PARD3B: variants seen among roughly 807,000 people sequenced by gnomAD.
PARD3B encodes the protein par-3 family cell polarity regulator beta, also known as partitioning defective 3 homolog B.
Under a neutral mutation model 130.2 loss-of-function variants are expected in PARD3B, and 103 were observed. That is an observed-to-expected ratio of 0.79 (90% confidence interval 0.67 to 0.93). The LOEUF is 0.93. PARD3B is among the 40% of genes least tolerant of loss of function. The pLI is 0.00. For synonymous variants in PARD3B, 583 were observed against 553.2 expected (o/e 1.05, Z -0.76); for missense variants, 1,609 against 1,499.2 (o/e 1.07, Z -1.21).
chr2:205,133,826 C>T (rs2032235569), intron 10 of PARD3B, among the ~76,000 whole-genome samples: 1 of 152,152 alleles, frequency 6.6e-6, no homozygotes, highest in Non-Finnish European at 1.5e-5. Flanking sequence ...CTCGATTGTG[C>T]TTTAAAATTT....
intron 2 of PARD3B, among the ~76,000 whole-genome samples, chr2:204,929,606 TA>T (rs1687878339): frequency 6.6e-6 from 1 of 152,070 alleles, no homozygotes. Flanking sequence ...GAAGTTTCAA[TA>T]AATGTAAATT....
At chr2:205,529,423 T>C (rs1575266791) in intron 21 of PARD3B, among the ~76,000 whole-genome samples, 1 of 152,220 alleles carries the variant, frequency 6.6e-6, no homozygotes, top group East Asian at 1.9e-4. Context: ...AGCAGGTCTT[T>C]GCCACCATTT....
At chr2:205,180,302 T>C (rs2035717517) in intron 13 of PARD3B, among the ~76,000 whole-genome samples, 2 of 151,864 alleles carry the variant, frequency 1.3e-5, no homozygotes, top group South Asian at 4.2e-4. Context: ...TCTATTGATT[T>C]AGAGACCAAA....
At position 205,446,303 on chromosome 2, in the gene PARD3B, G is replaced by A. The variant is rs1049569624; in HGVS notation, c.3044+5631G>A. Among the ~76,000 whole-genome samples the A allele has an allele frequency of 5.9e-5, 9 of 152,096 alleles. No individual in the cohort carries two copies. Among genetic ancestry groups the A allele is most frequent in the Non-Finnish European group, 1.0e-4 (7 of 68,036 alleles). On this transcript the variant is annotated intron_variant, in intron 20 of 22. Coordinates refer to ENST00000406610, the MANE Select transcript of PARD3B (RefSeq NM_001302769.2). The surrounding 1 kb of genome is among the most constrained non-coding windows in gnomAD (Gnocchi z 4.4). The stretch of plus-strand genomic sequence containing the variant: ...CAGGGTTTGGGTTGGAGAAGAGCTC[G>A]CTGAGGGGAAGAACTCACTGAGGGT...
chr2:204,805,220 GA>G (rs1243045664), intron 2 of PARD3B, among the ~76,000 whole-genome samples: 2 of 151,866 alleles, frequency 1.3e-5, no homozygotes, highest in African/African-American at 2.4e-5. Flanking sequence ...AGTCAGAGAT[GA>G]AAAAAGAGAC....
intron 2 of PARD3B, among the ~76,000 whole-genome samples, chr2:204,855,653 C>A (rs114723050): frequency 0.017 from 2,638 of 151,830 alleles, 80 homozygotes; most frequent in African/African-American, 0.06. Context: ...CTTACTCCTC[C>A]AGTCTAATGA....
In PARD3B at chr2:205,039,406, C is replaced by G. The variant is rs147524876; in HGVS notation, c.395-8175C>G. 4.9e-3 allele frequency among the ~76,000 whole-genome samples: 741 copies of G among 152,184 alleles called. 7 individuals are homozygous for G. Among genetic ancestry groups the G allele is most frequent in the African/African-American group, 0.017 (699 of 41,528 alleles). On this transcript the variant is annotated intron_variant, in intron 3 of 22. Coordinates refer to ENST00000406610, the MANE Select transcript of PARD3B (RefSeq NM_001302769.2). ...TCTCAGGTACTCAGCTTCCACCATA[C>G]CTTCCTTTTACCTGTATCTTTCTAT...
chr2:204,785,098 G>A (rs1382080052), intron 2 of PARD3B, among the ~76,000 whole-genome samples: 1 of 152,180 alleles, frequency 6.6e-6, no homozygotes, highest in South Asian at 2.1e-4. Flanking sequence ...CAGATAAACT[G>A]AAAGAATATA....
chr2:204,800,114 TC>T (rs2042514954), intron 2 of PARD3B, among the ~76,000 whole-genome samples: 1 of 152,194 alleles, frequency 6.6e-6, no homozygotes, highest in South Asian at 2.1e-4. Flanking sequence ...CCGAGGAAGA[TC>T]AGTGAAATTG....
intron 2 of PARD3B, among the ~76,000 whole-genome samples, chr2:204,909,869 A>G (rs1415422213): frequency 2.0e-5 from 3 of 152,114 alleles, no homozygotes; most frequent in Non-Finnish European, 4.4e-5. Context: ...CTATGCTTAG[A>G]TTTTTTCGAA....
At chr2:204,652,787 A>G (rs1172964108) in intron 1 of PARD3B, among the ~76,000 whole-genome samples, 2 of 151,600 alleles carry the variant, frequency 1.3e-5, no homozygotes, top group East Asian at 3.8e-4. Context: ...ACAAGGAAGC[A>G]TGAATGGGAG....
At chr2:205,559,580 T>C (rs2053049120) in intron 22 of PARD3B, among the ~76,000 whole-genome samples, 1 of 146,584 alleles carries the variant, frequency 6.8e-6, no homozygotes, top group Non-Finnish European at 1.5e-5. Context: ...TTCTCTGAAA[T>C]CAATAGAAGT....
In PARD3B at chr2:205,550,487, A is replaced by C. The variant is rs771992401; in HGVS notation, c.3181-2837A>C. ...AAGGACAGAATAATTTCTTATGTGC[A>C]AGCTTGCTGCCTATCTTTTGAAGAC... is the stretch of plus-strand genomic sequence containing the variant. On this transcript the variant is annotated intron_variant, in intron 21 of 22. Coordinates refer to ENST00000406610, the MANE Select transcript of PARD3B (RefSeq NM_001302769.2). The surrounding 1 kb of genome is among the most constrained non-coding windows in gnomAD (Gnocchi z 4.5). 6.6e-6 allele frequency among the ~76,000 whole-genome samples: 1 copy of C among 152,202 alleles called. No homozygotes were observed. The highest frequency in any genetic ancestry group is 1.5e-5 in the Non-Finnish European group (1 of 68,036).
At chr2:205,349,321 A>C (rs2043906487) in intron 18 of PARD3B, among the ~76,000 whole-genome samples, 1 of 137,908 alleles carries the variant, frequency 7.3e-6, no homozygotes, top group Non-Finnish European at 1.5e-5. Context: ...TAAAACCCAG[A>C]AAAAGTGAGA....
rs1183327277 is a variant in PARD3B at position 205,265,587 on chromosome 2, T to C, written c.2185+19765T>C. On this transcript the variant is annotated intron_variant, in intron 16 of 22. Coordinates refer to ENST00000406610, the MANE Select transcript of PARD3B (RefSeq NM_001302769.2). This position sits in a 1 kb window ranked among gnomAD's most constrained non-coding sequence, Gnocchi z 4.3. ...ATATACCGAGACTTCACCGAAGAGA[T>C]GTTCAGTGTAATATAATTATTTTGA... Among the ~76,000 whole-genome samples the C allele has an allele frequency of 6.6e-6, 1 of 151,910 alleles. No individual in the cohort carries two copies. The highest frequency in any genetic ancestry group is 2.4e-5 in the African/African-American group (1 of 41,380).
intron 6 of PARD3B, 30 bp downstream of exon 6, chr2:205,113,607 A>G: frequency 6.4e-7 from 1 of 1,552,824 alleles, no homozygotes; most frequent in Middle Eastern, 1.7e-4. Flanking sequence ...CCAGAAGCTC[A>G]TGCTAATGAA....
intron 10 of PARD3B, among the ~76,000 whole-genome samples, chr2:205,144,040 A>G (rs2033171185): frequency 6.6e-6 from 1 of 152,326 alleles, no homozygotes; most frequent in South Asian, 2.1e-4. Flanking sequence ...GCAGCATTAT[A>G]TAGCTTTGGC....
rs889077107 is a variant in PARD3B at position 205,241,947 on chromosome 2, TA to T, written c.2141-3822del. Among the ~76,000 whole-genome samples, 6 of 151,828 alleles carry T rather than the reference TA, an allele frequency of 4.0e-5. No individual in the cohort carries two copies. The South Asian group carries it at 8.3e-4, about 21-fold the overall frequency. Reference sequence around the variant, plus strand: ...GGTATTAATTATAACACTTGCCATTTAAAAAAAAACTTGGTGGCATGTGTAA... The same window carrying T: ...GGTATTAATTATAACACTTGCCATTTAAAAAAAACTTGGTGGCATGTGTAA... On this transcript the variant is annotated intron_variant, in intron 15 of 22. Coordinates refer to ENST00000406610, the MANE Select transcript of PARD3B (RefSeq NM_001302769.2). This position sits in a 1 kb window ranked among gnomAD's most constrained non-coding sequence, Gnocchi z 4.2.
chr2:205,221,593 C>A (rs2038240690), intron 15 of PARD3B, among the ~76,000 whole-genome samples: 1 of 152,120 alleles, frequency 6.6e-6, no homozygotes, highest in African/African-American at 2.4e-5. Flanking sequence ...ACTACTTTTT[C>A]CCTTGTATCT....
Sources: gnomAD v4.1 joint callset for allele counts (sites outside exome capture counted in the v4.1 genomes callset) on GRCh38, gnomAD v4.1.1 for gene constraint, Gnocchi (gnomAD v3.1) non-coding constraint, MANE v1.5 for transcripts, NCBI Gene and HGNC (gene_info 2026-07-23, HGNC 2026-07-21) for gene names.